Variants in KIF26B observed in about 807,000 individuals in gnomAD.
KIF26B encodes the protein kinesin family member 26B, also known as kinesin-like protein KIF26B.
KIF26B carries 63 observed loss-of-function variants against 151.2 expected under a neutral mutation model. The observed-to-expected ratio is 0.42, with a 90% CI of 0.34 to 0.51. The LOEUF (loss-of-function observed/expected upper bound fraction) is 0.51. Ranked by LOEUF, KIF26B falls within the 20% of genes least tolerant of loss-of-function variation. KIF26B has a pLI of 0.07. For missense variants in KIF26B, 2,813 were observed against 2,913.6 expected, an observed-to-expected ratio of 0.97 and a Z score of 0.79; for synonymous variants, 1,357 against 1,262.1, an observed-to-expected ratio of 1.08 and a Z score of -1.59.
intron 4 of KIF26B, among the ~76,000 whole-genome samples, chr1:245,467,409 T>C (rs1463011654): frequency 6.6e-6 from 1 of 152,168 alleles, no homozygotes. Flanking sequence ...GAGTTTGAGA[T>C]GAAAATCTGG....
intron 3 of KIF26B, chr1:245,370,750 C>T (rs1296802654): frequency 2.5e-6 from 1 of 407,202 alleles, no homozygotes; most frequent in Non-Finnish European, 5.0e-6. Flanking sequence ...CTTAAACGGC[C>T]GATTAGGGAT....
At chr1:245,336,865 A>C (rs865853923) in intron 2 of KIF26B, among the ~76,000 whole-genome samples, 1 of 152,136 alleles carries the variant, frequency 6.6e-6, no homozygotes, top group South Asian at 2.1e-4. Flanking sequence ...TTTTTGGTTC[A>C]CCTCCCAGAT....
intron 10 of KIF26B, among the ~76,000 whole-genome samples, chr1:245,676,731 C>T (rs2044360992): frequency 6.6e-6 from 1 of 152,246 alleles, no homozygotes; most frequent in South Asian, 2.1e-4. Context: ...CCAGCCCATA[C>T]TTGCAATGTA....
At chr1:245,280,455 T>C (rs921396749) in intron 2 of KIF26B, among the ~76,000 whole-genome samples, 3 of 143,964 alleles carry the variant, frequency 2.1e-5, no homozygotes, top group African/African-American at 5.3e-5. Flanking sequence ...GGCGTGAACC[T>C]GGGAGACAGA....
At chr1:245,220,555 C>T (rs1451720670) in intron 2 of KIF26B, among the ~76,000 whole-genome samples, 2 of 152,124 alleles carry the variant, frequency 1.3e-5, no homozygotes, top group African/African-American at 4.8e-5. Flanking sequence ...TAGTCAGGCA[C>T]CCCGAAGGAG....
At chr1:245,344,375 G>A (rs1168279007) in intron 2 of KIF26B, among the ~76,000 whole-genome samples, 2 of 151,486 alleles carry the variant, frequency 1.3e-5, no homozygotes, top group African/African-American at 2.4e-5. Context: ...TCCTCTAGTA[G>A]TCCCAGCTGC....
At chr1:245,693,345 T>G (rs2147963472) in intron 12 of KIF26B, among the ~76,000 whole-genome samples, 1 of 152,334 alleles carries the variant, frequency 6.6e-6, no homozygotes. Context: ...GAGCAAGGCC[T>G]GTTCTGCGCT....
At chr1:245,173,089 C>T (rs1668741509) in intron 2 of KIF26B, among the ~76,000 whole-genome samples, 1 of 152,154 alleles carries the variant, frequency 6.6e-6, no homozygotes, top group African/African-American at 2.4e-5. Context: ...GAGATTCAGG[C>T]ACAGGCTATG....
chr1:245,599,509 C>T (rs1436247787), intron 5 of KIF26B, among the ~76,000 whole-genome samples: 1 of 152,216 alleles, frequency 6.6e-6, no homozygotes, highest in Non-Finnish European at 1.5e-5. Flanking sequence ...TTCTTTCCCG[C>T]TTCTCCTTGT....
In KIF26B at chr1:245,705,075, G is replaced by A. The variant is rs534022759; in HGVS notation, c.*2469G>A. 5 of 152,232 alleles carry A rather than the reference G, an allele frequency of 3.3e-5. No individual in the cohort carries two copies. Among genetic ancestry groups the A allele is most frequent in the East Asian group, 1.9e-4 (1 of 5,174 alleles). The allele number at this position is 152,232 out of a possible 1,614,324, so 9.4% of individuals were successfully genotyped here. A position where few individuals can be genotyped will look rare whatever the true frequency, so the allele number is the denominator to read the frequency against. On this transcript the variant is annotated 3_prime_UTR_variant, in exon 15 of 15. Coordinates refer to ENST00000407071, the MANE Select transcript of KIF26B (RefSeq NM_018012.4). The stretch of plus-strand genomic sequence containing the variant: ...AATCCTTCCGAGGGGAGTGGCATTC[G>A]GCTTGCCTCCTGCCTAAATCTGCTT...
At chr1:245,219,202 G>A (rs1211825708) in intron 2 of KIF26B, among the ~76,000 whole-genome samples, 2 of 123,852 alleles carry the variant, frequency 1.6e-5, no homozygotes, top group African/African-American at 6.1e-5. Flanking sequence ...GCAGTGATGC[G>A]ATCTCAGCTC....
intron 4 of KIF26B, among the ~76,000 whole-genome samples, chr1:245,448,056 C>A (rs1490438142): frequency 6.6e-6 from 1 of 152,262 alleles, no homozygotes; most frequent in Admixed American, 6.5e-5. Flanking sequence ...GGCTCACATG[C>A]CCTGCATCAC....
At chr1:245,344,434 G>A (rs1172877440) in intron 2 of KIF26B, among the ~76,000 whole-genome samples, 2 of 146,062 alleles carry the variant, frequency 1.4e-5, no homozygotes, top group Admixed American at 7.0e-5. Flanking sequence ...GGCGGAGCCT[G>A]CAGTGAGCCG....
intron 4 of KIF26B, among the ~76,000 whole-genome samples, chr1:245,427,784 T>C (rs1658683141): frequency 6.6e-6 from 1 of 152,190 alleles, no homozygotes; most frequent in Non-Finnish European, 1.5e-5. Context: ...TCTTTTCTCC[T>C]TGCCCCAGTG....
chr1:245,562,336 C>T (rs779185984), intron 5 of KIF26B, among the ~76,000 whole-genome samples: 34 of 152,076 alleles, frequency 2.2e-4, no homozygotes, highest in Admixed American at 7.2e-4. Context: ...CGCAATTTTA[C>T]GTTATACTTT....
intron 10 of KIF26B, among the ~76,000 whole-genome samples, chr1:245,682,072 C>T (rs929830209): frequency 5.3e-5 from 8 of 152,082 alleles, no homozygotes; most frequent in East Asian, 1.9e-4. Context: ...GGTGAAACCC[C>T]GTCTCTACTA....
At chr1:245,294,507 TG>T (rs1240953359) in intron 2 of KIF26B, among the ~76,000 whole-genome samples, 1 of 152,224 alleles carries the variant, frequency 6.6e-6, no homozygotes, top group East Asian at 1.9e-4. Context: ...AGACTACCCT[TG>T]AACAATGTGA....
chr1:245,436,497 C>T (rs547384368), intron 4 of KIF26B, among the ~76,000 whole-genome samples: 56 of 152,284 alleles, frequency 3.7e-4, no homozygotes, highest in Admixed American at 1.2e-3. Flanking sequence ...CTCATGTGAT[C>T]GTGGGGGTTG....
intron 2 of KIF26B, among the ~76,000 whole-genome samples, chr1:245,191,227 C>A (rs941273804): frequency 3.3e-5 from 5 of 151,834 alleles, no homozygotes; most frequent in African/African-American, 1.2e-4. Context: ...AAAATCCCAG[C>A]ACTTTGGGAG....
Sources: allele counts gnomAD v4.1 joint callset (sites outside exome capture counted in the v4.1 genomes callset), GRCh38; gene constraint gnomAD v4.1.1; transcripts MANE v1.5; gene names NCBI Gene and HGNC (gene_info 2026-07-23, HGNC 2026-07-21).